Variants in GRM5 observed in about 807,000 individuals in gnomAD.
The protein encoded by GRM5 is metabotropic glutamate receptor 5.
GRM5 carries 19 observed loss-of-function variants against 83.1 expected under a neutral mutation model. That is an observed-to-expected ratio of 0.23 (90% CI 0.16 to 0.34). GRM5 has a LOEUF of 0.34. Ranked by LOEUF, GRM5 falls within the 10% of genes least tolerant of loss-of-function variation. GRM5 has a pLI of 1.00. For synonymous variants in GRM5, 675 were observed against 633.6 expected (o/e 1.07, Z -0.98); for missense variants, 1,160 against 1,588.3 (o/e 0.73, Z 4.58).
intron 4 of GRM5, among the ~76,000 whole-genome samples, chr11:88,624,179 G>A (rs1255818791): frequency 6.6e-6 from 1 of 152,112 alleles, no homozygotes; most frequent in African/African-American, 2.4e-5. Flanking sequence ...AAGTTTTCCT[G>A]AGCCAAATTA....
intron 2 of GRM5, among the ~76,000 whole-genome samples, chr11:88,932,472 T>C (rs1178896320): frequency 2.0e-5 from 3 of 151,954 alleles, no homozygotes; most frequent in Non-Finnish European, 4.4e-5. Flanking sequence ...TATGTGTAAG[T>C]GATGCTTAGC....
chr11:88,802,235 TC>T (rs1943411401), intron 3 of GRM5, among the ~76,000 whole-genome samples: 1 of 152,002 alleles, frequency 6.6e-6, no homozygotes, highest in African/African-American at 2.4e-5. Context: ...GAGATCCAGC[TC>T]AGCTCACAAA....
intron 9 of GRM5, among the ~76,000 whole-genome samples, chr11:88,518,258 T>C (rs945391216): frequency 2.0e-5 from 3 of 152,012 alleles, no homozygotes; most frequent in Non-Finnish European, 4.4e-5. Context: ...CTGGTTAATA[T>C]TTGTGGTATT....
At chr11:88,992,385 G>A (rs1322689567) in intron 2 of GRM5, among the ~76,000 whole-genome samples, 1 of 151,970 alleles carries the variant, frequency 6.6e-6, no homozygotes, top group Non-Finnish European at 1.5e-5. Context: ...TGGAGAGGAT[G>A]TGGAAAAATA....
chr11:88,587,066 A>C (rs1411636036), intron 7 of GRM5, among the ~76,000 whole-genome samples: 3 of 152,226 alleles, frequency 2.0e-5, no homozygotes, highest in Non-Finnish European at 4.4e-5. Flanking sequence ...TGAGATTACA[A>C]ATATGTTTAA....
At chr11:88,738,146 T>A (rs1027175568) in intron 3 of GRM5, among the ~76,000 whole-genome samples, 6 of 152,092 alleles carry the variant, frequency 3.9e-5, no homozygotes, top group African/African-American at 1.4e-4. Context: ...TTTTATGTTA[T>A]TTTATTATTT....
At position 89,020,643 on chromosome 11, in the gene GRM5, C is replaced by A. The variant is rs534295374; in HGVS notation, c.661+26569G>T. 5.9e-5 allele frequency among the ~76,000 whole-genome samples: 9 copies of A among 152,258 alleles called. No individual in the cohort carries two copies. In the East Asian group the frequency reaches 1.7e-3, roughly 29 times the overall value. On this transcript the variant is annotated intron_variant, in intron 2 of 9. Transcript: ENST00000305447. Reference sequence around the variant, plus strand: ...GGTCTACATGTCCTAGACACAGAACCGGAGGAACCATCGATTCCAGCTTCA... The same window carrying A: ...GGTCTACATGTCCTAGACACAGAACAGGAGGAACCATCGATTCCAGCTTCA...
intron 2 of GRM5, among the ~76,000 whole-genome samples, chr11:89,005,874 T>C (rs1940510265): frequency 6.6e-6 from 1 of 152,200 alleles, no homozygotes; most frequent in Non-Finnish European, 1.5e-5. Flanking sequence ...TGCTAGGTAT[T>C]GGAACTATAC....
rs377746246 is a variant in GRM5, at chr11:88,689,234, A to G, written c.912-35831T>C. ...CCTGCTCTGTATTAGGCACTGTGTTAAGCTCTAGCTACTGGGAATAAGTTC... is the reference window on the plus strand; with the variant it reads ...CCTGCTCTGTATTAGGCACTGTGTTGAGCTCTAGCTACTGGGAATAAGTTC... On this transcript the variant is annotated intron_variant, in intron 3 of 9. Transcript: ENST00000305447. Among the ~76,000 whole-genome samples, 5 of 152,318 alleles carry G rather than the reference A, an allele frequency of 3.3e-5. No homozygotes were observed. The East Asian group carries it at 9.6e-4, about 29-fold the overall frequency.
chr11:89,046,026 T>C (rs908754062), intron 2 of GRM5, among the ~76,000 whole-genome samples: 26 of 152,180 alleles, frequency 1.7e-4, no homozygotes, highest in East Asian at 5.8e-4. Flanking sequence ...ATTTGTAACA[T>C]TGTGTCATTT....
chr11:89,006,553 A>G (rs1231272478), intron 2 of GRM5, among the ~76,000 whole-genome samples: 2 of 152,060 alleles, frequency 1.3e-5, no homozygotes, highest in Non-Finnish European at 2.9e-5. Flanking sequence ...CCTAAAACCA[A>G]ATTATTAATG....
chr11:88,976,379 T>C lies in GRM5; in HGVS notation c.661+70833A>G, dbSNP rs764317049. Among the ~76,000 whole-genome samples, 45 of 152,148 alleles carry C rather than the reference T, an allele frequency of 3.0e-4. 1 individual carries two copies. Among genetic ancestry groups the C allele is most frequent in the Admixed American group, 1.0e-3 (16 of 15,264 alleles). On this transcript the variant is annotated intron_variant, in intron 2 of 9. Coordinates refer to ENST00000305447, the MANE Select transcript of GRM5 (RefSeq NM_001143831.3). ...AATCTTGCGAATCTACCATTTCCTC[T>C]CCTTTCTTCAATGTCACTTTTTTTA... is the stretch of plus-strand genomic sequence containing the variant.
At chr11:88,821,846 TC>T (rs1297593143) in intron 3 of GRM5, among the ~76,000 whole-genome samples, 1 of 152,156 alleles carries the variant, frequency 6.6e-6, no homozygotes, top group Non-Finnish European at 1.5e-5. Flanking sequence ...AACTCATTTG[TC>T]CCTGTTAGAT....
At chr11:88,766,296 A>T (rs1942623190) in intron 3 of GRM5, among the ~76,000 whole-genome samples, 1 of 152,032 alleles carries the variant, frequency 6.6e-6, no homozygotes, top group Non-Finnish European at 1.5e-5. Context: ...ACATTACCTG[A>T]CTTCAAACTA....
intron 2 of GRM5, among the ~76,000 whole-genome samples, chr11:88,973,522 G>T (rs1214617713): frequency 6.6e-6 from 1 of 152,040 alleles, no homozygotes; most frequent in African/African-American, 2.4e-5. Flanking sequence ...CAGAAATTGG[G>T]TTAATATGGA....
Position 88,525,402 on chromosome 11 carries a change from T to C in GRM5, c.2633A>G (p.Tyr878Cys). Residue 878 changes from tyrosine to cysteine, a missense_variant and splice_region_variant, in exon 9 of 10, where the codon TAC (tyrosine) becomes TGC (cysteine). Transcript: ENST00000305447. ...RRGSSGETLRYKDRRLAQHKS... is the reference protein window; with the variant it reads ...RRGSSGETLRCKDRRLAQHKS... Reference sequence around the variant, plus strand: ...GTGCTGGGCCAGTCTCCTGTCTTTGTACCTGGTGAGCATGAACAAGGACAG... The same window carrying C: ...GTGCTGGGCCAGTCTCCTGTCTTTGCACCTGGTGAGCATGAACAAGGACAG... The C allele has an allele frequency of 3.8e-6, 6 of 1,594,214 alleles. No individual in the cohort carries two copies. Among genetic ancestry groups the C allele is most frequent in the Non-Finnish European group, 4.3e-6 (5 of 1,162,424 alleles).
chr11:88,591,606 A>G (rs759312830), intron 6 of GRM5, among the ~76,000 whole-genome samples: 3 of 152,252 alleles, frequency 2.0e-5, no homozygotes, highest in African/African-American at 2.4e-5. Context: ...ATTACACTTT[A>G]TATTTCTAGT....
chr11:88,815,250 A>C (rs1943655629), intron 3 of GRM5, among the ~76,000 whole-genome samples: 1 of 152,248 alleles, frequency 6.6e-6, no homozygotes, highest in Admixed American at 6.5e-5. Flanking sequence ...AATAGAATTA[A>C]ATTATATATC....
intron 2 of GRM5, among the ~76,000 whole-genome samples, chr11:89,013,990 T>G: frequency 6.6e-6 from 1 of 152,160 alleles, no homozygotes; most frequent in East Asian, 1.9e-4. Context: ...CTTTAAGGCT[T>G]ATATTTTTTA....
Sources: gnomAD v4.1 joint callset for allele counts (sites outside exome capture counted in the v4.1 genomes callset) on GRCh38, gnomAD v4.1.1 for gene constraint, MANE v1.5 for transcripts, NCBI Gene and HGNC (gene_info 2026-07-23, HGNC 2026-07-21) for gene names.